The following LMNB1 variants were observed in gnomAD, a reference collection of about 807,000 sequenced individuals.
The protein encoded by LMNB1 is lamin B1.
Under a neutral mutation model 67.1 loss-of-function variants are expected in LMNB1, and 23 were observed. The ratio of observed to expected loss-of-function variants is 0.34; its 90% CI spans 0.25 to 0.49. LMNB1 has a LOEUF of 0.49. LMNB1 is among the 20% of genes least tolerant of loss of function. The pLI is 0.99. For missense variants in LMNB1, 634 were observed against 746.5 expected (o/e 0.85, Z 1.76); for synonymous variants, 281 against 282.9 (o/e 0.99, Z 0.07).
chr5:126,823,452 A>T (rs1317113856), intron 8 of LMNB1, among the ~76,000 whole-genome samples: 2 of 143,458 alleles, frequency 1.4e-5, no homozygotes, highest in African/African-American at 5.3e-5. Context: ...TTACTGAATT[A>T]TTATTAGCTT....
chr5:126,781,790 T>A (rs1356861936), intron 1 of LMNB1, among the ~76,000 whole-genome samples: 1 of 152,178 alleles, frequency 6.6e-6, no homozygotes, highest in Non-Finnish European at 1.5e-5. Flanking sequence ...ATAATCATCA[T>A]TTAGGTAGAT....
At chr5:126,791,621 C>T (rs1443382480) in intron 1 of LMNB1, among the ~76,000 whole-genome samples, 4 of 151,590 alleles carry the variant, frequency 2.6e-5, no homozygotes, top group Admixed American at 2.6e-4. Flanking sequence ...TGGGTGTGTG[C>T]CACTACACCT....
intron 9 of LMNB1, among the ~76,000 whole-genome samples, chr5:126,826,679 C>A (rs1443975933): frequency 6.6e-6 from 1 of 152,128 alleles, no homozygotes; most frequent in Non-Finnish European, 1.5e-5. Flanking sequence ...ACTGCATATA[C>A]CCCTACCAAT....
chr5:126,832,844 C>A, intron 10 of LMNB1, 43 bp downstream of exon 10: 1 of 1,284,938 alleles, frequency 7.8e-7, no homozygotes. Flanking sequence ...AAATTTTATT[C>A]ACAGAATTAC....
intron 1 of LMNB1, among the ~76,000 whole-genome samples, chr5:126,788,887 T>G (rs1486096974): frequency 8.9e-6 from 1 of 112,560 alleles, no homozygotes; most frequent in Non-Finnish European, 1.9e-5. Flanking sequence ...AGGAGACAAG[T>G]TTTTTTTTGT....
At chr5:126,805,035 T>G (rs1490426277) in intron 2 of LMNB1, 103 bp downstream of exon 2, 12 of 1,087,136 alleles carry the variant, frequency 1.1e-5, no homozygotes, top group African/African-American at 1.6e-5. Context: ...GTATTTTATT[T>G]TTGAAATTTT....
intron 1 of LMNB1, among the ~76,000 whole-genome samples, chr5:126,785,295 A>T (rs1160680265): frequency 8.1e-5 from 10 of 123,038 alleles, no homozygotes; most frequent in African/African-American, 1.6e-4. Flanking sequence ...CTAAAAATTA[A>T]TTTTTTTTTT....
At chr5:126,791,048 CAAATAAAT>C (rs1046182099) in intron 1 of LMNB1, among the ~76,000 whole-genome samples, 2 of 151,858 alleles carry the variant, frequency 1.3e-5, no homozygotes, top group Non-Finnish European at 2.9e-5. Flanking sequence ...AACAAATAAA[CAAATAAAT>C]AAATAAAATG....
At chr5:126,831,985 G>A (rs1410713803) in intron 9 of LMNB1, among the ~76,000 whole-genome samples, 4 of 152,154 alleles carry the variant, frequency 2.6e-5, no homozygotes, top group Non-Finnish European at 4.4e-5. Context: ...ATAAACAGGG[G>A]CCAAGTGTGG....
intron 8 of LMNB1, 144 bp from the exon 9 acceptor site, chr5:126,825,844 C>A: frequency 9.4e-7 from 1 of 1,062,450 alleles, no homozygotes; most frequent in Non-Finnish European, 1.4e-6. Flanking sequence ...GTTCTCCTGG[C>A]CACATAGCTG....
At chr5:126,800,373 C>T (rs1295452361) in intron 1 of LMNB1, among the ~76,000 whole-genome samples, 1 of 152,060 alleles carries the variant, frequency 6.6e-6, no homozygotes, top group African/African-American at 2.4e-5. Flanking sequence ...GGAAGGATGA[C>T]ATTTGTTCCA....
chr5:126,811,757 T>C lies in LMNB1; in HGVS notation c.814-16T>C. On this transcript the variant is annotated splice_polypyrimidine_tract_variant and intron_variant, in intron 4 of 10. Transcript: ENST00000261366. ...AGTTCTAGATAAGACTGACTATGCT[T>C]TGCTTCTTCTTTTAGCTTGAGAATG... 2 of 1,598,446 alleles carry C rather than the reference T, an allele frequency of 1.3e-6. No individual in the cohort carries two copies. Among genetic ancestry groups the C allele is most frequent in the Non-Finnish European group, 1.7e-6 (2 of 1,167,586 alleles).
intron 9 of LMNB1, among the ~76,000 whole-genome samples, chr5:126,832,370 G>A (rs958974345): frequency 4.0e-5 from 6 of 151,848 alleles, no homozygotes; most frequent in Non-Finnish European, 7.4e-5. Context: ...GTGCAGTGGC[G>A]TGATCTCGGC....
intron 1 of LMNB1, among the ~76,000 whole-genome samples, chr5:126,798,342 C>T (rs555265909): frequency 7.3e-5 from 11 of 151,642 alleles, no homozygotes; most frequent in African/African-American, 2.4e-4. Flanking sequence ...CCCAGTTACT[C>T]GGGAGGCTGA....
At chr5:126,787,524 G>GTATATATATATATATA (rs1179342923) in intron 1 of LMNB1, among the ~76,000 whole-genome samples, 27 of 87,658 alleles carry the variant, frequency 3.1e-4, no homozygotes, top group African/African-American at 9.9e-4. Flanking sequence ...GTGTGTGGGG[G>GTATATATATATATATA]TATATATATA....
intron 1 of LMNB1, among the ~76,000 whole-genome samples, chr5:126,800,999 T>TTTTTTTTTTTTG: frequency 8.1e-6 from 1 of 122,958 alleles, no homozygotes; most frequent in African/African-American, 3.1e-5. Context: ...TTTTTTTTTT[T>TTTTTTTTTTTTG]TGGTGGTAGG....
chr5:126,778,628 C>T (rs1750544976), intron 1 of LMNB1, among the ~76,000 whole-genome samples: 1 of 152,184 alleles, frequency 6.6e-6, no homozygotes, highest in Non-Finnish European at 1.5e-5. Context: ...TGGTTCTGCG[C>T]AGGGAAGGAA....
In LMNB1 at chr5:126,789,514, A is replaced by G. The variant is rs1411252132; in HGVS notation, c.359+11647A>G. On this transcript the variant is annotated intron_variant, in intron 1 of 10. Transcript: ENST00000261366. ...GGGACATATTTGCCCAGGTTATCCT[A>G]CCTAAAAGTTCTTTCCCTACATGGG... is the stretch of plus-strand genomic sequence containing the variant. Among the ~76,000 whole-genome samples the G allele has an allele frequency of 3.3e-5, 5 of 152,040 alleles. No homozygotes were observed. In the East Asian group the frequency reaches 5.8e-4, roughly 18 times the overall value.
chr5:126,813,168 G>T lies in LMNB1; in HGVS notation c.939+1270G>T, dbSNP rs1021020859. On this transcript the variant is annotated intron_variant, in intron 5 of 10. Transcript: ENST00000261366. ...CAGAAAATGAGTCCCATAAAATGGG[G>T]TGATATAAAATAATTTAGTTAACAC... Among the ~76,000 whole-genome samples, 9 of 152,346 alleles carry T rather than the reference G, an allele frequency of 5.9e-5. No individual in the cohort carries two copies. In the South Asian group the frequency reaches 1.7e-3, roughly 28 times the overall value.
Sources: allele counts gnomAD v4.1 joint callset (sites outside exome capture counted in the v4.1 genomes callset), GRCh38; gene constraint gnomAD v4.1.1; transcripts MANE v1.5; gene names NCBI Gene and HGNC (gene_info 2026-07-23, HGNC 2026-07-21).